PTPRD: variants seen among roughly 807,000 people sequenced by gnomAD.
PTPRD encodes the protein receptor-type tyrosine-protein phosphatase delta.
In PTPRD, 34 loss-of-function variants were observed where a neutral mutation model predicts 214.5. The observed-to-expected ratio is 0.16, with a 90% confidence interval of 0.12 to 0.21. The LOEUF (loss-of-function observed/expected upper bound fraction) is 0.21. Ranked by LOEUF, PTPRD falls within the 10% of genes least tolerant of loss-of-function variation. The probability of loss-of-function intolerance (pLI) is 1.00; values close to 1 mark genes in which losing one functional copy is unlikely to be tolerated. For missense variants in PTPRD, 2,545 were observed against 2,398.7 expected (o/e 1.06, Z -1.27); for synonymous variants, 1,128 against 845.7 (o/e 1.33, Z -5.79).
At position 10,304,952 on chromosome 9, in the gene PTPRD, A is replaced by G. The variant is rs376998666; in HGVS notation, c.-545+36011T>C. Among the ~76,000 whole-genome samples the G allele has an allele frequency of 6.6e-5, 10 of 152,264 alleles. No individual in the cohort carries two copies. The East Asian group carries it at 1.9e-3, about 29-fold the overall frequency. On this transcript the variant is annotated intron_variant, in intron 3 of 45. Transcript: ENST00000381196. ...CCAAAAAAGATCCTGCATTGCCGAG[A>G]CAATCCTAAGCAAAGAGAACAAAGC...
chr9:9,937,427 A>AC (rs2089944402), intron 5 of PTPRD, among the ~76,000 whole-genome samples: 1 of 43,906 alleles, frequency 2.3e-5, no homozygotes, highest in East Asian at 0.014. Context: ...ATAGATAAAT[A>AC]AAAAAAAAAA....
chr9:10,007,576 C>T (rs1336789892), intron 4 of PTPRD, among the ~76,000 whole-genome samples: 1 of 151,940 alleles, frequency 6.6e-6, no homozygotes, highest in Non-Finnish European at 1.5e-5. Context: ...TCACGAATGC[C>T]TTCTGGTCAT....
intron 8 of PTPRD, among the ~76,000 whole-genome samples, chr9:9,527,508 T>A (rs893428139): frequency 6.6e-6 from 1 of 152,164 alleles, no homozygotes; most frequent in African/African-American, 2.4e-5. Context: ...ATTTGCTAGA[T>A]TTTTTAGGGG....
At chr9:10,248,722 C>T (rs2092472556) in intron 3 of PTPRD, among the ~76,000 whole-genome samples, 1 of 152,018 alleles carries the variant, frequency 6.6e-6, no homozygotes, top group South Asian at 2.1e-4. Flanking sequence ...GACGTGCCTT[C>T]TTTAAACTAA....
intron 5 of PTPRD, among the ~76,000 whole-genome samples, chr9:9,906,321 C>T (rs1008269544): frequency 6.6e-6 from 1 of 151,960 alleles, no homozygotes; most frequent in African/African-American, 2.4e-5. Context: ...TGTGATACAG[C>T]TCTAGGTCCC....
At chr9:8,741,984 C>G (rs1231726603) in intron 11 of PTPRD, among the ~76,000 whole-genome samples, 1 of 152,104 alleles carries the variant, frequency 6.6e-6, no homozygotes, top group East Asian at 1.9e-4. Context: ...GAGGTCTAGA[C>G]AAGACATTTT....
At chr9:8,542,465 T>C (rs1252248621) in intron 14 of PTPRD, among the ~76,000 whole-genome samples, 3 of 152,202 alleles carry the variant, frequency 2.0e-5, no homozygotes, top group African/African-American at 7.2e-5. Context: ...CAAGGGTTGG[T>C]AATATTTTGA....
At position 8,319,919 on chromosome 9, in the gene PTPRD, A is replaced by G; in HGVS notation, c.5582T>C (p.Leu1861Ser). The change falls in exon 45 of 46, where the codon TTG becomes TCG. Residue 1861 changes from leucine (L) to serine (S), a missense_variant. Transcript: ENST00000381196. ...TGVFITLSIVLERMRYEGVVD... is the reference protein window; with the variant it reads ...TGVFITLSIVSERMRYEGVVD... ...AACTCCTTCATATCTCATTCTTTCC[A>G]AAACAATGCTTAGCGTTATGAAGAC... The G allele has an allele frequency of 6.2e-7, 1 of 1,613,094 alleles. No homozygotes were observed. Among genetic ancestry groups the G allele is most frequent in the Non-Finnish European group, 8.5e-7 (1 of 1,179,468 alleles).
intron 9 of PTPRD, among the ~76,000 whole-genome samples, chr9:9,253,589 G>C (rs1426467460): frequency 6.6e-6 from 1 of 151,932 alleles, no homozygotes; most frequent in Non-Finnish European, 1.5e-5. Flanking sequence ...GAGTGATTTT[G>C]ATGTTTTAAA....
At chr9:10,408,504 G>C (rs2098400239) in intron 2 of PTPRD, among the ~76,000 whole-genome samples, 1 of 151,662 alleles carries the variant, frequency 6.6e-6, no homozygotes. Context: ...TAGGAATTAA[G>C]GCTAGGAAGA....
At chr9:10,025,590 G>A (rs958843791) in intron 4 of PTPRD, among the ~76,000 whole-genome samples, 4 of 152,158 alleles carry the variant, frequency 2.6e-5, no homozygotes, top group African/African-American at 9.7e-5. Flanking sequence ...AAGAGATTTA[G>A]AATGGGTGTT....
intron 5 of PTPRD, among the ~76,000 whole-genome samples, chr9:9,908,603 G>A (rs2078283024): frequency 6.6e-6 from 1 of 151,914 alleles, no homozygotes; most frequent in Admixed American, 6.6e-5. Flanking sequence ...TGAGGGAAAT[G>A]GGTTTTAAAG....
At chr9:8,382,660 G>A (rs1589156655) in intron 37 of PTPRD, among the ~76,000 whole-genome samples, 1 of 152,110 alleles carries the variant, frequency 6.6e-6, no homozygotes, top group African/African-American at 2.4e-5. Context: ...TTCTAGATAA[G>A]GACCCCAACA....
At chr9:10,018,709 G>T (rs1425483048) in intron 4 of PTPRD, among the ~76,000 whole-genome samples, 9 of 149,872 alleles carry the variant, frequency 6.0e-5, no homozygotes, top group Admixed American at 2.0e-4. Flanking sequence ...CACTACGCCC[G>T]GCTAATTTTT....
chr9:8,775,094 A>G (rs1266238232), intron 11 of PTPRD, among the ~76,000 whole-genome samples: 1 of 152,206 alleles, frequency 6.6e-6, no homozygotes, highest in East Asian at 1.9e-4. Context: ...TGATGCAGGT[A>G]CTAACATCTT....
chr9:9,703,659 G>C (rs1373654930), intron 7 of PTPRD, among the ~76,000 whole-genome samples: 3 of 151,966 alleles, frequency 2.0e-5, no homozygotes, highest in Non-Finnish European at 4.4e-5. Flanking sequence ...CTGTTGATTT[G>C]TTCTGTACAG....
intron 36 of PTPRD, among the ~76,000 whole-genome samples, chr9:8,397,835 A>G (rs903042269): frequency 6.6e-6 from 1 of 152,194 alleles, no homozygotes; most frequent in Non-Finnish European, 1.5e-5. Context: ...TCTCACAAAT[A>G]ATCAAGTTAT....
At chr9:8,387,361 A>G (rs2087516085) in intron 37 of PTPRD, among the ~76,000 whole-genome samples, 1 of 152,212 alleles carries the variant, frequency 6.6e-6, no homozygotes, top group Admixed American at 6.5e-5. Flanking sequence ...GCCAGTTAGA[A>G]CTAACTTTAT....
At chr9:9,404,988 G>A (rs1182537359) in intron 8 of PTPRD, among the ~76,000 whole-genome samples, 1 of 152,012 alleles carries the variant, frequency 6.6e-6, no homozygotes. Context: ...CTAAAATCAT[G>A]TTTATTTCCC....
Sources: gnomAD v4.1 joint callset for allele counts (sites outside exome capture counted in the v4.1 genomes callset) on GRCh38, gnomAD v4.1.1 for gene constraint, MANE v1.5 for transcripts, NCBI Gene and HGNC (gene_info 2026-07-23, HGNC 2026-07-21) for gene names.